Variants in PNLIP observed in about 807,000 individuals in gnomAD.
PNLIP encodes the protein pancreatic lipase, also known as pancreatic triacylglycerol lipase.
A neutral mutation model predicts 57.1 loss-of-function variants in PNLIP; 49 were observed. The observed-to-expected ratio is 0.86, with a 90% confidence interval of 0.68 to 1.09. The LOEUF is 1.09. PNLIP is among the 50% of genes least tolerant of loss of function. The pLI, the probability that PNLIP is intolerant of heterozygous loss-of-function variation, is 0.00. For synonymous variants in PNLIP, 209 were observed against 200.4 expected (o/e 1.04, Z -0.36); for missense variants, 503 against 570.2 (o/e 0.88, Z 1.20).
intron 9 of PNLIP, 40 bp downstream of exon 9, chr10:116,556,158 T>C: frequency 8.7e-7 from 1 of 1,143,304 alleles, no homozygotes; most frequent in South Asian, 1.2e-5. Flanking sequence ...ATTTTGTGAC[T>C]GTCACTTCTC....
At chr10:116,561,134 A>G (rs554396886) in intron 11 of PNLIP, among the ~76,000 whole-genome samples, 22 of 152,296 alleles carry the variant, frequency 1.4e-4, no homozygotes, top group Non-Finnish European at 1.6e-4. Context: ...TCTGCCCACA[A>G]AACACATGTG....
At chr10:116,564,816 G>A (rs1847347562) in intron 12 of PNLIP, among the ~76,000 whole-genome samples, 3 of 152,076 alleles carry the variant, frequency 2.0e-5, no homozygotes, top group African/African-American at 7.2e-5. Flanking sequence ...TCCCTTGAAG[G>A]TGTGATAAGT....
At chr10:116,550,590 ACTTATTTACCTT>A (rs1243469141) in intron 4 of PNLIP, among the ~76,000 whole-genome samples, 3 of 152,130 alleles carry the variant, frequency 2.0e-5, no homozygotes, top group Non-Finnish European at 4.4e-5. Flanking sequence ...TTGTGGAAAA[ACTTATTTACCTT>A]CAATGTATTT....
Position 116,548,426 on chromosome 10 carries a change from A to G in PNLIP, c.268A>G (p.Ile90Val). The change falls in exon 4 of 13, where the codon ATT (isoleucine) becomes GTT (valine). Residue 90 changes from isoleucine to valine, a missense_variant. Coordinates refer to ENST00000369221, the MANE Select transcript of PNLIP (RefSeq NM_000936.4). ...CAAAACAAATAGAAAAACTCGCTTT[A>G]TTATTCATGGATTCATAGACAAGGG... ...NFKTNRKTRF[I>V]IHGFIDKGEE... is the part of the protein sequence containing the mutation. The G allele has an allele frequency of 6.2e-7, 1 of 1,614,120 alleles. No individual in the cohort carries two copies. The highest frequency in any genetic ancestry group is 8.5e-7 in the Non-Finnish European group (1 of 1,179,940).
In PNLIP at chr10:116,548,468, G is replaced by C; in HGVS notation, c.310G>C (p.Ala104Pro). The change falls in exon 4 of 13, where the codon GCC (alanine) becomes CCC (proline). Residue 104 changes from alanine to proline, a missense_variant. Coordinates refer to ENST00000369221, the MANE Select transcript of PNLIP (RefSeq NM_000936.4). ...AGACAAGGGAGAAGAAAACTGGCTGGCCAATGTGTGCAAGGTGAGATGTGG... is the reference window on the plus strand; with the variant it reads ...AGACAAGGGAGAAGAAAACTGGCTGCCCAATGTGTGCAAGGTGAGATGTGG... Reference protein sequence around the residue: ...FIDKGEENWLANVCKNLFKVE... With the variant: ...FIDKGEENWLPNVCKNLFKVE... 1 of 1,613,756 alleles carries C rather than the reference G, an allele frequency of 6.2e-7. No individual in the cohort carries two copies. The highest frequency in any genetic ancestry group is 2.2e-5 in the East Asian group (1 of 44,880).
chr10:116,558,475 T>C (rs1187453914), intron 9 of PNLIP, among the ~76,000 whole-genome samples: 1 of 151,996 alleles, frequency 6.6e-6, no homozygotes. Context: ...ATTACAGGTG[T>C]GAGCCACCAT....
intron 10 of PNLIP, 54 bp from the exon 11 acceptor site, chr10:116,560,362 T>C (rs1029552963): frequency 1.1e-6 from 1 of 882,504 alleles, no homozygotes; most frequent in African/African-American, 1.7e-5. Flanking sequence ...AATTAACTTG[T>C]TTTTAGTGTC....
chr10:116,558,041 T>G (rs1417238566), intron 9 of PNLIP, among the ~76,000 whole-genome samples: 1 of 150,720 alleles, frequency 6.6e-6, no homozygotes, highest in Non-Finnish European at 1.5e-5. Context: ...GATCAGGAAG[T>G]CAAGATCGAG....
Position 116,556,061 on chromosome 10 carries a change from C to A in PNLIP, c.873C>A (p.Ile291=), listed in dbSNP as rs1235393329. The part of the protein sequence containing the change: ...LRSYKYYTDS[I]VNPDGFAGFP... ...GCTACAAATATTACACTGATAGCAT[C>A]GTCAACCCTGATGGCTTTGCTGGAT... The change falls in exon 9 of 13, where the codon ATC becomes ATA. Residue 291 remains isoleucine, a synonymous_variant. Coordinates refer to ENST00000369221, the MANE Select transcript of PNLIP (RefSeq NM_000936.4). 1.2e-6 allele frequency: 2 copies of A among 1,613,924 alleles called. No individual in the cohort carries two copies. The highest frequency in any genetic ancestry group is 1.7e-6 in the Non-Finnish European group (2 of 1,179,818).
At position 116,567,851 on chromosome 10, in the gene PNLIP, A is replaced by T. The variant is rs116098214; in HGVS notation, c.*53A>T. On this transcript the variant is annotated 3_prime_UTR_variant, in exon 13 of 13. Transcript: ENST00000369221. ...TGACTTCTAATAAAATCTAGTGGTG[A>T]TGCATTACATGCCTGTTTCTTTTGT... 7.7e-4 allele frequency: 983 copies of T among 1,273,346 alleles called. 5 individuals carry two copies. The African/African-American group carries it at 0.012, about 16-fold the overall frequency. 78.9% of individuals were successfully genotyped at this position (1,273,346 alleles called of 1,614,324 possible). A position where few individuals can be genotyped will look rare whatever the true frequency, so the allele number is the denominator to read the frequency against.
In PNLIP at chr10:116,551,244, C is replaced by G; in HGVS notation, c.459+12C>G. The G allele has an allele frequency of 1.3e-6, 2 of 1,592,236 alleles. No homozygotes were observed. Among genetic ancestry groups the G allele is most frequent in the Non-Finnish European group, 1.7e-6 (2 of 1,168,514 alleles). On this transcript the variant is annotated intron_variant, in intron 5 of 12. Transcript: ENST00000369221. Reference sequence around the variant, plus strand: ...TTGAATTTCTTCAGGTAATTACTCCCGGATTGCATAAAAGCCTGTACACAT... The same window carrying G: ...TTGAATTTCTTCAGGTAATTACTCCGGGATTGCATAAAAGCCTGTACACAT...
chr10:116,554,244 C>T (rs1847227329), intron 6 of PNLIP, among the ~76,000 whole-genome samples: 1 of 152,098 alleles, frequency 6.6e-6, no homozygotes, highest in South Asian at 2.1e-4. Context: ...CCGACATTCA[C>T]AAAGGACAAG....
intron 9 of PNLIP, among the ~76,000 whole-genome samples, chr10:116,558,751 A>T (rs1422673098): frequency 1.3e-5 from 2 of 151,576 alleles, no homozygotes; most frequent in Non-Finnish European, 2.9e-5. Flanking sequence ...CAGCCTCCAG[A>T]GTAGCTAGGA....
intron 5 of PNLIP, 33 bp from the exon 6 acceptor site, chr10:116,553,694 G>C (rs768094400): frequency 7.2e-7 from 1 of 1,390,164 alleles, no homozygotes; most frequent in African/African-American, 1.4e-5. Context: ...GACTGCACTT[G>C]AAAACATTCT....
chr10:116,558,248 A>G (rs1847274211), intron 9 of PNLIP, among the ~76,000 whole-genome samples: 1 of 144,894 alleles, frequency 6.9e-6, no homozygotes. Context: ...CCCAGGCTGG[A>G]GTGCAGTGGC....
At chr10:116,553,909 C>T (rs1422564710) in intron 6 of PNLIP, 71 bp downstream of exon 6, 25 of 815,806 alleles carry the variant, frequency 3.1e-5, no homozygotes, top group Non-Finnish European at 4.3e-5. Context: ...CAGTTTGAGG[C>T]CAATCTGGGC....
At chr10:116,546,231 C>A in intron 2 of PNLIP, 93 bp downstream of exon 2, 1 of 1,055,290 alleles carries the variant, frequency 9.5e-7, no homozygotes, top group Non-Finnish European at 1.5e-6. Flanking sequence ...GCAGTAATAA[C>A]ATGAAGATTT....
In PNLIP at chr10:116,555,522, T is replaced by A. The variant is rs986900017; in HGVS notation, c.811+15T>A. The A allele has an allele frequency of 6.2e-7, 1 of 1,609,070 alleles. No homozygotes were observed. The highest frequency in any genetic ancestry group is 1.3e-5 in the African/African-American group (1 of 74,726). On this transcript the variant is annotated intron_variant, in intron 8 of 12. Coordinates refer to ENST00000369221, the MANE Select transcript of PNLIP (RefSeq NM_000936.4). ...AATCTGGGAAGGTAGAACTATTATG[T>A]GTAGAAAGAGATCTTCTTGGGAGAA...
At chr10:116,556,211 G>T in intron 9 of PNLIP, 93 bp downstream of exon 9, 3 of 730,944 alleles carry the variant, frequency 4.1e-6, no homozygotes, top group Non-Finnish European at 4.9e-6. Flanking sequence ...TTCAATGAAT[G>T]TTTATACTTT....
Sources: allele counts gnomAD v4.1 joint callset (sites outside exome capture counted in the v4.1 genomes callset), GRCh38; gene constraint gnomAD v4.1.1; transcripts MANE v1.5; gene names NCBI Gene and HGNC (gene_info 2026-07-23, HGNC 2026-07-21).